The following MARCHF3 variants were observed in gnomAD, a reference collection of about 807,000 sequenced individuals.
MARCHF3 encodes E3 ubiquitin-protein ligase MARCHF3.
A neutral mutation model predicts 24.2 loss-of-function variants in MARCHF3; 13 were observed. The observed-to-expected ratio is 0.54, with a 90% CI of 0.35 to 0.85. The LOEUF (loss-of-function observed/expected upper bound fraction) is 0.85. MARCHF3 is among the 40% of genes least tolerant of loss of function. The probability of loss-of-function intolerance (pLI) is 0.01; values close to 1 mark genes in which losing one functional copy is unlikely to be tolerated. For missense variants in MARCHF3, 276 were observed against 325.0 expected (o/e 0.85, Z 1.16); for synonymous variants, 144 against 137.3 (o/e 1.05, Z -0.34).
At chr5:127,021,517 A>T (rs1752805345) in intron 1 of MARCHF3, among the ~76,000 whole-genome samples, 1 of 152,196 alleles carries the variant, frequency 6.6e-6, no homozygotes, top group African/African-American at 2.4e-5. Context: ...AACTGGTGAA[A>T]ATTTGCTAAG....
intron 3 of MARCHF3, among the ~76,000 whole-genome samples, chr5:126,887,250 TG>T (rs1182802796): frequency 2.0e-5 from 3 of 151,446 alleles, no homozygotes; most frequent in Admixed American, 6.6e-5. Flanking sequence ...TGATTTTGAA[TG>T]GGAAAAAAAA....
intron 1 of MARCHF3, among the ~76,000 whole-genome samples, chr5:126,933,167 C>G (rs1284050663): frequency 1.3e-5 from 2 of 152,146 alleles, no homozygotes; most frequent in African/African-American, 4.8e-5. Flanking sequence ...TCATAAGGAT[C>G]TGGACATTTG....
chr5:126,930,382 T>C (rs1749442217), intron 1 of MARCHF3, among the ~76,000 whole-genome samples: 1 of 149,892 alleles, frequency 6.7e-6, no homozygotes, highest in African/African-American at 2.5e-5. Flanking sequence ...ACCATTATCT[T>C]CTTTTGCTTA....
chr5:126,965,965 A>G (rs914309408), intron 1 of MARCHF3, among the ~76,000 whole-genome samples: 2 of 152,242 alleles, frequency 1.3e-5, no homozygotes, highest in African/African-American at 2.4e-5. Context: ...TGGATAAATA[A>G]TTTGTGGTAT....
At chr5:126,894,184 C>G (rs377640166) in intron 3 of MARCHF3, among the ~76,000 whole-genome samples, 1 of 131,906 alleles carries the variant, frequency 7.6e-6, no homozygotes, top group African/African-American at 3.2e-5. Flanking sequence ...CTATGTGTGT[C>G]TCTGCATGTG....
At chr5:126,928,471 G>A (rs1749367306) in intron 1 of MARCHF3, among the ~76,000 whole-genome samples, 1 of 152,284 alleles carries the variant, frequency 6.6e-6, no homozygotes, top group Admixed American at 6.5e-5. Flanking sequence ...AAGTAAAGGA[G>A]ATTGTCAAAA....
chr5:126,952,589 T>C lies in MARCHF3; in HGVS notation c.-56-34362A>G, dbSNP rs191659413. Among the ~76,000 whole-genome samples the C allele has an allele frequency of 4.7e-4, 72 of 152,316 alleles. No homozygotes were observed. In the East Asian group the frequency reaches 0.013, roughly 28 times the overall value. On this transcript the variant is annotated intron_variant, in intron 1 of 4. Transcript: ENST00000308660. ...TAATAGAAACTTAGCTTTTTACCAT[T>C]GTTCCCTCCTTTCCCCACGTTTTGT...
chr5:126,946,112 TGCAATCCCA>T (rs1479576167), intron 1 of MARCHF3, among the ~76,000 whole-genome samples: 2 of 152,122 alleles, frequency 1.3e-5, no homozygotes, highest in Non-Finnish European at 2.9e-5. Flanking sequence ...AGCTCACACC[TGCAATCCCA>T]GCACTTTGGG....
chr5:126,929,103 A>T (rs995357418), intron 1 of MARCHF3, among the ~76,000 whole-genome samples: 2 of 152,224 alleles, frequency 1.3e-5, no homozygotes, highest in East Asian at 3.8e-4. Context: ...CCTCTCAGTC[A>T]CATCGGCCTC....
At chr5:126,965,882 A>C (rs1053470098) in intron 1 of MARCHF3, among the ~76,000 whole-genome samples, 1 of 152,248 alleles carries the variant, frequency 6.6e-6, no homozygotes, top group Non-Finnish European at 1.5e-5. Flanking sequence ...TATTTGCTGA[A>C]GGGAAATAAA....
intron 3 of MARCHF3, among the ~76,000 whole-genome samples, chr5:126,895,974 T>C (rs373959682): frequency 0.02 from 3,107 of 152,140 alleles, 81 homozygotes; most frequent in South Asian, 0.12. Context: ...AATCCGTGGG[T>C]GTAGGACCCT....
intron 1 of MARCHF3, among the ~76,000 whole-genome samples, chr5:127,000,690 T>C (rs1249205481): frequency 6.6e-6 from 1 of 152,100 alleles, no homozygotes; most frequent in East Asian, 1.9e-4. Context: ...CCTTTTATTT[T>C]TATTTTTATT....
intron 1 of MARCHF3, among the ~76,000 whole-genome samples, chr5:126,982,064 A>G (rs1034119224): frequency 2.6e-5 from 4 of 152,206 alleles, no homozygotes; most frequent in Admixed American, 6.5e-5. Context: ...TTCAATACCT[A>G]GTTCCAACAT....
chr5:126,986,596 A>G (rs73337261), intron 1 of MARCHF3, among the ~76,000 whole-genome samples: 2,398 of 152,346 alleles, frequency 0.016, 56 homozygotes, highest in African/African-American at 0.051. Context: ...ATGAATATAT[A>G]AAAAACTCTA....
In MARCHF3 at chr5:126,875,660, C is replaced by T. The variant is rs73783474; in HGVS notation, c.603+2525G>A. On this transcript the variant is annotated intron_variant, in intron 4 of 4. Coordinates refer to ENST00000308660, the MANE Select transcript of MARCHF3 (RefSeq NM_178450.5). ...CTATTGCTGAGCTGACTCCACAGCA[C>T]GTTTTTCACACCAGTCAAAGGGGGA... 7.8e-3 allele frequency among the ~76,000 whole-genome samples: 1,180 copies of T among 152,240 alleles called. 15 individuals carry two copies. The highest frequency in any genetic ancestry group is 0.024 in the East Asian group (125 of 5,168).
intron 1 of MARCHF3, among the ~76,000 whole-genome samples, chr5:126,995,217 C>T (rs184612984): frequency 2.0e-3 from 305 of 152,312 alleles, no homozygotes; most frequent in African/African-American, 6.9e-3. Context: ...GTAGCACTCT[C>T]GAGATAGCAC....
chr5:126,903,544 T>C (rs1385186847), intron 3 of MARCHF3, among the ~76,000 whole-genome samples: 2 of 152,028 alleles, frequency 1.3e-5, no homozygotes, highest in Non-Finnish European at 2.9e-5. Flanking sequence ...CCAAAACTCA[T>C]AGTTTTACTT....
chr5:126,954,678 CTTTTTT>C (rs199567453), intron 1 of MARCHF3, among the ~76,000 whole-genome samples: 1 of 130,112 alleles, frequency 7.7e-6, no homozygotes, highest in Non-Finnish European at 1.7e-5. Flanking sequence ...GCCCCAGTTT[CTTTTTT>C]TTTTTTTTTT....
At chr5:126,983,335 C>T (rs576964179) in intron 1 of MARCHF3, among the ~76,000 whole-genome samples, 2 of 152,294 alleles carry the variant, frequency 1.3e-5, no homozygotes, top group South Asian at 2.1e-4. Context: ...TTGGTGCCTC[C>T]GTCCCTATCA....
Sources: gnomAD v4.1 joint callset for allele counts (sites outside exome capture counted in the v4.1 genomes callset) on GRCh38, gnomAD v4.1.1 for gene constraint, MANE v1.5 for transcripts, NCBI Gene and HGNC (gene_info 2026-07-23, HGNC 2026-07-21) for gene names.